PLXNA2: variants seen among roughly 807,000 people sequenced by gnomAD.
PLXNA2 encodes the protein plexin A2.
Under a neutral mutation model 193.5 loss-of-function variants are expected in PLXNA2, and 91 were observed. That is an observed-to-expected ratio of 0.47 (90% confidence interval 0.40 to 0.56). The LOEUF (loss-of-function observed/expected upper bound fraction) is 0.56, where lower values mean the gene tolerates loss of function less well. PLXNA2 is among the 20% of genes least tolerant of loss of function. PLXNA2 has a pLI of 0.00. For synonymous variants in PLXNA2, 997 were observed against 1,027.3 expected (o/e 0.97, Z 0.56); for missense variants, 1,995 against 2,503.2 (o/e 0.80, Z 4.33).
chr1:208,229,281 G>C (rs986022227), intron 1 of PLXNA2, among the ~76,000 whole-genome samples: 3 of 152,166 alleles, frequency 2.0e-5, no homozygotes, highest in Non-Finnish European at 2.9e-5. Flanking sequence ...TTGCAGCATT[G>C]AGCTGTCTTT....
chr1:208,027,458 CTTAAATAAT>C, intron 31 of PLXNA2, 120 bp from the exon 32 acceptor site: 1 of 674,788 alleles, frequency 1.5e-6, no homozygotes, highest in Non-Finnish European at 2.6e-6. Context: ...TGCACATAAC[CTTAAATAAT>C]TTAAATGATT....
At chr1:208,180,027 C>T (rs964983489) in intron 3 of PLXNA2, among the ~76,000 whole-genome samples, 2 of 152,160 alleles carry the variant, frequency 1.3e-5, no homozygotes, top group Non-Finnish European at 2.9e-5. Flanking sequence ...CCTCCTGCCC[C>T]GCCCCCACCC....
intron 1 of PLXNA2, among the ~76,000 whole-genome samples, chr1:208,231,681 G>A (rs1172875325): frequency 6.6e-6 from 1 of 152,136 alleles, no homozygotes; most frequent in African/African-American, 2.4e-5. Context: ...TCCCGCTAAC[G>A]TACCCCTTAC....
rs568167933 is a variant in PLXNA2 at position 208,025,887 on chromosome 1, A to C, written c.*1356T>G. ...CGTGAGAGGCAGAAAGAGAGGCAGAAGGTAGTAACGTGGGCATGCCACAGT... is the reference window on the plus strand; with the variant it reads ...CGTGAGAGGCAGAAAGAGAGGCAGACGGTAGTAACGTGGGCATGCCACAGT... On this transcript the variant is annotated 3_prime_UTR_variant, in exon 32 of 32. Transcript: ENST00000367033. 5 of 152,754 alleles carry C rather than the reference A, an allele frequency of 3.3e-5. No homozygotes were observed. The East Asian group carries it at 9.6e-4, about 29-fold the overall frequency. The allele number at this position is 152,754 out of a possible 1,614,324, so 9.5% of individuals were successfully genotyped here.
rs540488936 is a variant in PLXNA2 at position 208,111,543 on chromosome 1, C to T, written c.1507-8296G>A. ...CGGTCTTGCCAGTGATCAGCTGTGT[C>T]GCCATGGGCACTCCGGTTATGCCTC... On this transcript the variant is annotated intron_variant, in intron 4 of 31. Transcript: ENST00000367033. 6.6e-5 allele frequency among the ~76,000 whole-genome samples: 10 copies of T among 152,150 alleles called. No individual in the cohort carries two copies. The East Asian group carries it at 1.2e-3, about 18-fold the overall frequency.
chr1:208,088,430 T>C (rs535378835), intron 9 of PLXNA2, among the ~76,000 whole-genome samples: 33 of 152,388 alleles, frequency 2.2e-4, no homozygotes, highest in African/African-American at 7.7e-4. Context: ...CGGATTTATT[T>C]GGTTCTATCT....
At chr1:208,243,385 G>C (rs1156348299) in intron 1 of PLXNA2, among the ~76,000 whole-genome samples, 1 of 152,036 alleles carries the variant, frequency 6.6e-6, no homozygotes, top group Non-Finnish European at 1.5e-5. Context: ...CATTCGGGAA[G>C]CCGGCGGGCT....
intron 9 of PLXNA2, among the ~76,000 whole-genome samples, chr1:208,087,338 G>C (rs1666564556): frequency 6.6e-6 from 1 of 151,318 alleles, no homozygotes; most frequent in South Asian, 2.1e-4. Flanking sequence ...GCTGGGCTAA[G>C]TCCAGTCCAG....
intron 12 of PLXNA2, among the ~76,000 whole-genome samples, chr1:208,072,899 G>T (rs2498030): frequency 6.6e-6 from 1 of 152,104 alleles, no homozygotes; most frequent in East Asian, 1.9e-4. Context: ...GATCCTGCAC[G>T]CAGAGACATT....
At position 208,098,920 on chromosome 1, in the gene PLXNA2, C is replaced by A; in HGVS notation, c.1657G>T (p.Ala553Ser). The A allele has an allele frequency of 6.2e-7, 1 of 1,613,742 alleles. No homozygotes were observed. Among genetic ancestry groups the A allele is most frequent in the Non-Finnish European group, 8.5e-7 (1 of 1,179,966 alleles). The change falls in exon 6 of 32, where the codon GCT becomes TCT. Residue 553 changes from alanine to serine, a missense_variant. Transcript: ENST00000367033. ...CTCACACACTGGCTGATGCTGGCAG[C>A]AAATCGATTAGGTTCCCAGGCCTGT... is the stretch of plus-strand genomic sequence containing the variant. ...CQQAWEPNRF[A>S]ASISQCVSLA...
intron 4 of PLXNA2, among the ~76,000 whole-genome samples, chr1:208,136,395 C>T (rs1428490956): frequency 2.6e-5 from 4 of 152,182 alleles, no homozygotes; most frequent in Non-Finnish European, 5.9e-5. Context: ...ATGTTCACTA[C>T]CTGGAGAGTG....
At chr1:208,060,889 C>G (rs764467678) in intron 12 of PLXNA2, 52 bp from the exon 13 acceptor site, 14 of 1,559,064 alleles carry the variant, frequency 9.0e-6, no homozygotes, top group Middle Eastern at 1.7e-4. Flanking sequence ...GGAACAGAAA[C>G]AGCAGCACCC....
Position 208,175,287 on chromosome 1 carries a change from A to G in PLXNA2, c.1372-32824T>C, listed in dbSNP as rs146529507. ...ATAAGAACAAAGCGTGAGTCTTCCT[A>G]CATTCCAACTGGGTCCACTCATCCC... On this transcript the variant is annotated intron_variant, in intron 3 of 31. Coordinates refer to ENST00000367033, the MANE Select transcript of PLXNA2 (RefSeq NM_025179.4). 2.9e-4 allele frequency among the ~76,000 whole-genome samples: 44 copies of G among 152,308 alleles called. No individual in the cohort carries two copies. The Middle Eastern group carries it at 0.014, about 47-fold the overall frequency.
chr1:208,037,584 G>A (rs531805932), intron 26 of PLXNA2, among the ~76,000 whole-genome samples: 1 of 152,064 alleles, frequency 6.6e-6, no homozygotes, highest in Non-Finnish European at 1.5e-5. Flanking sequence ...CTTATTTCCA[G>A]TTTCTATTTT....
In PLXNA2 at chr1:208,044,731, G is replaced by A. The variant is rs545856112; in HGVS notation, c.3651C>T (p.Gly1217=). Residue 1217 remains glycine, a synonymous_variant, in exon 20 of 32, where the codon GGC becomes GGT. Transcript: ENST00000367033. This position sits in a 1 kb window ranked among gnomAD's most constrained non-coding sequence, Gnocchi z 4.9. Reference sequence around the variant, plus strand: ...CCGAGCCAGGCGAGAACACCATCCCGCCCACGTGAACCTGTGCATTGTACA... The same window carrying A: ...CCGAGCCAGGCGAGAACACCATCCCACCCACGTGAACCTGTGCATTGTACA... ...TGQHKVMVHV[G]GMVFSPGSVS... 20 of 1,613,054 alleles carry A rather than the reference G, an allele frequency of 1.2e-5. No individual in the cohort carries two copies. The highest frequency in any genetic ancestry group is 4.4e-5 in the South Asian group (4 of 90,938).
chr1:208,117,940 C>T lies in PLXNA2; in HGVS notation c.1507-14693G>A, dbSNP rs755540564. Among the ~76,000 whole-genome samples the T allele has an allele frequency of 7.2e-5, 11 of 152,236 alleles. No individual in the cohort carries two copies. In the East Asian group the frequency reaches 1.4e-3, roughly 19 times the overall value. ...GAGGCTGTGTTTGAGACTGGAGTGA[C>T]GAAAGGCCTTTCATTATCTACAAGT... On this transcript the variant is annotated intron_variant, in intron 4 of 31. Transcript: ENST00000367033.
intron 4 of PLXNA2, among the ~76,000 whole-genome samples, chr1:208,105,532 C>T (rs12083980): frequency 0.29 from 44,320 of 152,148 alleles, 6,806 homozygotes; most frequent in South Asian, 0.37. Flanking sequence ...CTGTACAACT[C>T]TACAGTTAAA....
rs186192786 is a variant in PLXNA2, at chr1:208,162,789, A to G, written c.1372-20326T>C. Reference sequence around the variant, plus strand: ...CATTGAGAGGTTAAGTAGCTTGCCCAAAGTCATACTCCTAGTAAGAACAGA... The same window carrying G: ...CATTGAGAGGTTAAGTAGCTTGCCCGAAGTCATACTCCTAGTAAGAACAGA... On this transcript the variant is annotated intron_variant, in intron 3 of 31. Coordinates refer to ENST00000367033, the MANE Select transcript of PLXNA2 (RefSeq NM_025179.4). Among the ~76,000 whole-genome samples, 113 of 152,306 alleles carry G rather than the reference A, an allele frequency of 7.4e-4. 1 individual carries two copies. Among genetic ancestry groups the G allele is most frequent in the Middle Eastern group, 3.4e-3 (1 of 294 alleles).
In PLXNA2 at chr1:208,062,491, C is replaced by A. The variant is rs1028645171; in HGVS notation, c.2587-1654G>T. 2.6e-5 allele frequency among the ~76,000 whole-genome samples: 4 copies of A among 152,156 alleles called. No homozygotes were observed. The East Asian group carries it at 5.8e-4, about 22-fold the overall frequency. On this transcript the variant is annotated intron_variant, in intron 12 of 31. Coordinates refer to ENST00000367033, the MANE Select transcript of PLXNA2 (RefSeq NM_025179.4). ...CGGCAAGTTGGCTGCAGAGCCGGGA[C>A]TTGAACCCAGACCTCCTGCCTGTCT...
Sources: gnomAD v4.1 joint callset for allele counts (sites outside exome capture counted in the v4.1 genomes callset) on GRCh38, gnomAD v4.1.1 for gene constraint, Gnocchi (gnomAD v3.1) non-coding constraint, MANE v1.5 for transcripts, NCBI Gene and HGNC (gene_info 2026-07-23, HGNC 2026-07-21) for gene names.